The following LDHA variants were observed in gnomAD, a reference collection of about 807,000 sequenced individuals.
The protein encoded by LDHA is L-lactate dehydrogenase A chain.
Under a neutral mutation model 36.3 loss-of-function variants are expected in LDHA, and 10 were observed. That is an observed-to-expected ratio of 0.28 (90% CI 0.17 to 0.47). The LOEUF (loss-of-function observed/expected upper bound fraction) is 0.47. LDHA is among the 20% of genes least tolerant of loss of function. LDHA has a pLI of 0.99. For synonymous variants in LDHA, 110 were observed against 136.7 expected (o/e 0.80, Z 1.36); for missense variants, 267 against 405.8 (o/e 0.66, Z 2.94).
chr11:18,401,646 T>G (rs539537614), intron 4 of LDHA, among the ~76,000 whole-genome samples: 37 of 150,798 alleles, frequency 2.5e-4, no homozygotes, highest in Middle Eastern at 3.5e-3. Flanking sequence ...CCTGGCTAAT[T>G]TTTTGTATTT....
chr11:18,401,473 CT>C lies in LDHA; in HGVS notation c.418+485del, dbSNP rs58157049. Among the ~76,000 whole-genome samples the C allele has an allele frequency of 3.2e-3, 219 of 68,594 alleles. 1 individual carries two copies. Among genetic ancestry groups the C allele is most frequent in the African/African-American group, 0.013 (211 of 16,816 alleles). 45.0% of individuals were successfully genotyped at this position (68,594 alleles called of 152,430 possible). ...CATATTTATTGATTCATTTATTTTT[CT>C]TTTTTTTTTTTTTTTTTTTTTGAGA... On this transcript the variant is annotated intron_variant, in intron 4 of 7. Coordinates refer to ENST00000422447, the MANE Select transcript of LDHA (RefSeq NM_005566.4).
At chr11:18,405,396 T>G (rs1041471134) in intron 6 of LDHA, 53 bp from the exon 7 acceptor site, 1 of 1,600,960 alleles carries the variant, frequency 6.2e-7, no homozygotes, top group Middle Eastern at 2.0e-4. Context: ...TGTTTTTCTT[T>G]CTTTCTCCCA....
At chr11:18,395,959 G>C (rs1029143928) in intron 1 of LDHA, among the ~76,000 whole-genome samples, 1 of 152,238 alleles carries the variant, frequency 6.6e-6, no homozygotes, top group African/African-American at 2.4e-5. Context: ...CTAGTATTGC[G>C]ATTTAAAGTC....
At chr11:18,399,662 G>C (rs1421472416) in intron 3 of LDHA, 114 bp downstream of exon 3, 3 of 799,576 alleles carry the variant, frequency 3.8e-6, no homozygotes, top group African/African-American at 3.4e-5. Flanking sequence ...GCTCACCACA[G>C]CCTCGAACCC....
intron 6 of LDHA, 123 bp downstream of exon 6, chr11:18,403,934 T>G: frequency 2.9e-6 from 2 of 700,318 alleles, no homozygotes; most frequent in Non-Finnish European, 5.1e-6. Context: ...GTGGTTTTTT[T>G]GTTTTGTTTT....
chr11:18,401,830 G>A (rs909040724), intron 4 of LDHA, among the ~76,000 whole-genome samples: 1 of 151,068 alleles, frequency 6.6e-6, no homozygotes, highest in Non-Finnish European at 1.5e-5. Flanking sequence ...GTGTGTGTGT[G>A]TTTTTTGTTT....
At chr11:18,400,429 CCACACA>C (rs6144241) in intron 3 of LDHA, 7,661 of 286,890 alleles carry the variant, frequency 0.027, 243 homozygotes, top group East Asian at 0.11. Flanking sequence ...ACCACCACCA[CCACACA>C]CACACACACA....
chr11:18,400,428 ACCACAC>A, intron 3 of LDHA: 1 of 174,666 alleles, frequency 5.7e-6, no homozygotes, highest in East Asian at 1.4e-4. Flanking sequence ...TACCACCACC[ACCACAC>A]ACACACACAC....
intron 6 of LDHA, among the ~76,000 whole-genome samples, 176 bp downstream of exon 6, chr11:18,403,987 G>A (rs556882708): frequency 6.6e-6 from 1 of 152,294 alleles, no homozygotes; most frequent in African/African-American, 2.4e-5. Context: ...CTGCAGTGCA[G>A]TGGCGCAATC....
At chr11:18,403,231 C>T (rs916554410) in intron 5 of LDHA, among the ~76,000 whole-genome samples, 5 of 152,086 alleles carry the variant, frequency 3.3e-5, no homozygotes, top group African/African-American at 1.2e-4. Flanking sequence ...TGAAATTTCT[C>T]TTCTTACCAT....
chr11:18,396,527 A>G, intron 1 of LDHA: 1 of 1,322,574 alleles, frequency 7.6e-7, no homozygotes, highest in African/African-American at 1.5e-5. Flanking sequence ...GGCCAGCCCC[A>G]CTTGGGGTTA....
At chr11:18,405,304 C>A in intron 6 of LDHA, 145 bp from the exon 7 acceptor site, 1 of 798,806 alleles carries the variant, frequency 1.3e-6, no homozygotes, top group Non-Finnish European at 2.1e-6. Context: ...AATATCCTAG[C>A]ATACATGTGT....
At chr11:18,395,821 C>A (rs1866272607) in intron 1 of LDHA, among the ~76,000 whole-genome samples, 1 of 152,264 alleles carries the variant, frequency 6.6e-6, no homozygotes, top group Non-Finnish European at 1.5e-5. Flanking sequence ...AGGCCTTCTG[C>A]AGCTATTTCT....
intron 3 of LDHA, chr11:18,399,756 G>C: frequency 3.8e-6 from 2 of 530,744 alleles, no homozygotes; most frequent in Non-Finnish European, 6.8e-6. Context: ...TACCATGCCC[G>C]GCTAATTTTT....
At position 18,403,821 on chromosome 11, in the gene LDHA, C is replaced by G. The variant is rs954079807; in HGVS notation, c.710+10C>G. ...AGCAGGTGGTTGAGAGGTAATAAAT[C>G]TTTCAATTTGGCAACACAGAATATT... On this transcript the variant is annotated intron_variant, in intron 6 of 7. Coordinates refer to ENST00000422447, the MANE Select transcript of LDHA (RefSeq NM_005566.4). The G allele has an allele frequency of 7.1e-7, 1 of 1,409,040 alleles. No individual in the cohort carries two copies. Among genetic ancestry groups the G allele is most frequent in the Non-Finnish European group, 1.0e-6 (1 of 993,116 alleles). 87.3% of individuals were successfully genotyped at this position (1,409,040 alleles called of 1,614,324 possible). A position where few individuals can be genotyped will look rare whatever the true frequency, so the allele number is the denominator to read the frequency against.
intron 4 of LDHA, 67 bp from the exon 5 acceptor site, chr11:18,402,773 G>C: frequency 1.7e-6 from 2 of 1,197,208 alleles, no homozygotes; most frequent in Non-Finnish European, 1.2e-6. Flanking sequence ...TTTCTTCATA[G>C]TAGGTATATC....
intron 4 of LDHA, among the ~76,000 whole-genome samples, chr11:18,401,955 C>CTCTCTTTTTTTTTTTTTTTTTTTTTTTTT (rs59534512): frequency 9.6e-5 from 5 of 52,258 alleles, no homozygotes; most frequent in African/African-American, 1.2e-4. Context: ...TTGTTATTCT[C>CTCTCTTTTTTTTTTTTTTTTTTTTTTTTT]TTTTTTTTTT....
At chr11:18,394,848 G>A (rs1866236947) in intron 1 of LDHA, 1 of 354,098 alleles carries the variant, frequency 2.8e-6, no homozygotes, top group African/African-American at 2.1e-5. Flanking sequence ...TGCTCTAAGC[G>A]GGAACCATGG....
At chr11:18,403,043 T>C (rs3758680) in intron 5 of LDHA, 30 bp downstream of exon 5, 36 of 1,597,804 alleles carry the variant, frequency 2.3e-5, no homozygotes, top group Non-Finnish European at 3.0e-5. Flanking sequence ...TTTTTGTTTT[T>C]GAAAAGATTA....
Sources: gnomAD v4.1 joint callset for allele counts (sites outside exome capture counted in the v4.1 genomes callset) on GRCh38, gnomAD v4.1.1 for gene constraint, MANE v1.5 for transcripts, NCBI Gene and HGNC (gene_info 2026-07-23, HGNC 2026-07-21) for gene names.